AGBL1: variants seen among roughly 807,000 people sequenced by gnomAD.
The protein encoded by AGBL1 is AGBL carboxypeptidase 1.
AGBL1 carries 130 observed loss-of-function variants against 118.9 expected under a neutral mutation model. The observed-to-expected ratio is 1.09, with a 90% CI of 0.95 to 1.26. AGBL1 has a LOEUF of 1.26. Ranked by LOEUF, AGBL1 falls within the 50% of genes most tolerant of loss-of-function variation. The probability of loss-of-function intolerance (pLI) is 0.00; values close to 1 mark genes in which losing one functional copy is unlikely to be tolerated. For missense variants in AGBL1, 1,584 were observed against 1,298.1 expected, an observed-to-expected ratio of 1.22 and a Z score of -3.38; for synonymous variants, 555 against 478.9, an observed-to-expected ratio of 1.16 and a Z score of -2.08.
At chr15:86,551,352 A>G (rs2083660548) in intron 20 of AGBL1, among the ~76,000 whole-genome samples, 1 of 152,152 alleles carries the variant, frequency 6.6e-6, no homozygotes, top group Admixed American at 6.5e-5. Flanking sequence ...TTAGCTAGAC[A>G]AAGAAAAGAA....
Position 86,106,600 on chromosome 15 carries a change from T to A in AGBL1, c.51+26577T>A, listed in dbSNP as rs75084863. Among the ~76,000 whole-genome samples, 39 of 152,336 alleles carry A rather than the reference T, an allele frequency of 2.6e-4. No homozygotes were observed. In the South Asian group the frequency reaches 7.9e-3, roughly 31 times the overall value. ...GACACTTAGCGTCCTACTCTGCTGA[T>A]TGTCTTAAAATGGACAGAACACTTC... On this transcript the variant is annotated intron_variant, in intron 1 of 22. Transcript: ENST00000614907.
intron 18 of AGBL1, among the ~76,000 whole-genome samples, chr15:86,430,241 A>T (rs1017485999): frequency 9.9e-5 from 15 of 152,112 alleles, no homozygotes; most frequent in African/African-American, 3.6e-4. Context: ...TTAGGCCTGT[A>T]ATCCCAGCAG....
At position 86,238,704 on chromosome 15, in the gene AGBL1, G is replaced by A. The variant is rs375421198; in HGVS notation, c.527-8967G>A. ...AATGCTAAAATGTGGATAAACATAT[G>A]CCTGAGGATTGATAAAGTATGTGAG... On this transcript the variant is annotated intron_variant, in intron 6 of 22. Coordinates refer to ENST00000614907, the MANE Select transcript of AGBL1 (RefSeq NM_001386094.1). 1.1e-4 allele frequency among the ~76,000 whole-genome samples: 16 copies of A among 152,354 alleles called. No individual in the cohort carries two copies. The East Asian group carries it at 2.7e-3, about 26-fold the overall frequency.
chr15:86,402,854 G>T (rs570383328), intron 18 of AGBL1, among the ~76,000 whole-genome samples: 2 of 152,160 alleles, frequency 1.3e-5, no homozygotes, highest in East Asian at 3.9e-4. Context: ...AACAGGGAAA[G>T]AAAATACAAA....
intron 22 of AGBL1, among the ~76,000 whole-genome samples, chr15:86,698,550 T>C (rs897679288): frequency 2.6e-5 from 4 of 151,816 alleles, no homozygotes; most frequent in African/African-American, 4.8e-5. Flanking sequence ...AGTAAAACAA[T>C]ATATTGTTGC....
At chr15:86,544,075 A>G (rs1277170487) in intron 19 of AGBL1, among the ~76,000 whole-genome samples, 1 of 152,174 alleles carries the variant, frequency 6.6e-6, no homozygotes, top group Non-Finnish European at 1.5e-5. Flanking sequence ...AAATATTTAG[A>G]CTAGGAGGAG....
At chr15:86,573,828 T>C (rs2084044127) in intron 21 of AGBL1, among the ~76,000 whole-genome samples, 1 of 152,188 alleles carries the variant, frequency 6.6e-6, no homozygotes, top group Non-Finnish European at 1.5e-5. Context: ...CTCAGACTGA[T>C]AAAGAGTAGT....
At chr15:86,390,939 G>C (rs889652732) in intron 17 of AGBL1, among the ~76,000 whole-genome samples, 3 of 151,152 alleles carry the variant, frequency 2.0e-5, no homozygotes, top group Admixed American at 6.6e-5. Context: ...CACAGTGCTG[G>C]TATTACAGGC....
chr15:86,401,731 T>A (rs980802541), intron 18 of AGBL1, among the ~76,000 whole-genome samples: 4 of 152,184 alleles, frequency 2.6e-5, no homozygotes, highest in African/African-American at 9.6e-5. Context: ...TTATGTTTTG[T>A]ATGCTTTGTC....
At chr15:86,848,356 A>G (rs986341990) in intron 22 of AGBL1, among the ~76,000 whole-genome samples, 5 of 152,320 alleles carry the variant, frequency 3.3e-5, no homozygotes, top group African/African-American at 1.2e-4. Flanking sequence ...AAACTGTGCC[A>G]TATTAGAATC....
rs75596678 is a variant in AGBL1, at chr15:86,593,646, C to T, written c.2994+39109C>T. 5.6e-3 allele frequency among the ~76,000 whole-genome samples: 852 copies of T among 152,268 alleles called. 11 individuals carry two copies. Among genetic ancestry groups the T allele is most frequent in the African/African-American group, 0.019 (798 of 41,562 alleles). ...TATACAGTAAAATTCACCCACTTTA[C>T]ATGTACTGTTTGATAAGTTTTGTCA... On this transcript the variant is annotated intron_variant, in intron 21 of 22. Transcript: ENST00000614907.
At chr15:86,729,654 G>A (rs748508897) in intron 22 of AGBL1, among the ~76,000 whole-genome samples, 34 of 152,070 alleles carry the variant, frequency 2.2e-4, no homozygotes, top group African/African-American at 5.3e-4. Context: ...CATATGTACC[G>A]CATTTTGTCT....
intron 22 of AGBL1, among the ~76,000 whole-genome samples, chr15:86,741,923 T>G (rs2077685586): frequency 6.6e-6 from 1 of 152,144 alleles, no homozygotes; most frequent in Admixed American, 6.5e-5. Context: ...AATTTCAGTT[T>G]TTCTCTATTC....
At chr15:86,138,994 C>T (rs891128351) in intron 1 of AGBL1, among the ~76,000 whole-genome samples, 17 of 152,118 alleles carry the variant, frequency 1.1e-4, no homozygotes, top group African/African-American at 2.9e-4. Flanking sequence ...GACAGCTCCT[C>T]GGTTCTTATT....
At chr15:86,090,380 T>C (rs1895942380) in intron 1 of AGBL1, among the ~76,000 whole-genome samples, 1 of 152,256 alleles carries the variant, frequency 6.6e-6, no homozygotes. Flanking sequence ...TAGATTCTAC[T>C]TCCTAAGACA....
At chr15:86,880,292 C>A (rs2079872768) in intron 22 of AGBL1, among the ~76,000 whole-genome samples, 1 of 152,212 alleles carries the variant, frequency 6.6e-6, no homozygotes, top group Non-Finnish European at 1.5e-5. Flanking sequence ...CTCATAGCCT[C>A]AGAGTTGCAG....
intron 17 of AGBL1, among the ~76,000 whole-genome samples, chr15:86,377,075 G>T (rs2081051387): frequency 6.6e-6 from 1 of 152,154 alleles, no homozygotes; most frequent in African/African-American, 2.4e-5. Context: ...ATGCTGGTGA[G>T]GTTTTTCTGG....
At chr15:86,136,062 A>G (rs2076884470) in intron 1 of AGBL1, among the ~76,000 whole-genome samples, 1 of 152,146 alleles carries the variant, frequency 6.6e-6, no homozygotes, top group Admixed American at 6.5e-5. Context: ...GCCAGATGTG[A>G]TTGAAATCAA....
chr15:86,121,657 C>T (rs1375580469), intron 1 of AGBL1, among the ~76,000 whole-genome samples: 1 of 152,194 alleles, frequency 6.6e-6, no homozygotes, highest in Non-Finnish European at 1.5e-5. Context: ...CTCATGGATT[C>T]TAAGAGGAAC....
Sources: gnomAD v4.1 joint callset for allele counts (sites outside exome capture counted in the v4.1 genomes callset) on GRCh38, gnomAD v4.1.1 for gene constraint, MANE v1.5 for transcripts, NCBI Gene and HGNC (gene_info 2026-07-23, HGNC 2026-07-21) for gene names.